TMEM117: variants seen among roughly 807,000 people sequenced by gnomAD.
TMEM117 encodes the protein transmembrane protein 117.
A neutral mutation model predicts 52.4 loss-of-function variants in TMEM117; 27 were observed. That is an observed-to-expected ratio of 0.51 (90% confidence interval 0.38 to 0.71). The LOEUF (loss-of-function observed/expected upper bound fraction) is 0.71, where lower values mean the gene tolerates loss of function less well. Ranked by LOEUF, TMEM117 falls within the 30% of genes least tolerant of loss-of-function variation. TMEM117 has a pLI of 0.00. For synonymous variants in TMEM117, 215 were observed against 206.3 expected, an observed-to-expected ratio of 1.04 and a Z score of -0.36; for missense variants, 556 against 630.5, an observed-to-expected ratio of 0.88 and a Z score of 1.26.
the TMEM117 span, chr12:43,805,854 G>A: frequency 7.1e-7 from 1 of 1,414,220 alleles, no homozygotes; most frequent in Non-Finnish European, 9.4e-7. Context: ...GCGTACTGAA[G>A]CCCCAGTCGC....
At chr12:43,797,083 T>G in the TMEM117 span, 1 of 1,594,936 alleles carries the variant, frequency 6.3e-7, no homozygotes, top group Non-Finnish European at 8.5e-7. Flanking sequence ...TATCCAGGCA[T>G]TGAATAAATA....
At chr12:44,134,681 A>C in intron 3 of TMEM117, among the ~76,000 whole-genome samples, 1 of 152,202 alleles carries the variant, frequency 6.6e-6, no homozygotes, top group East Asian at 1.9e-4. Flanking sequence ...TTTTTTGTAT[A>C]GCCAATTTAG....
chr12:43,951,530 C>T (rs1945221856), intron 3 of TMEM117, among the ~76,000 whole-genome samples: 1 of 152,188 alleles, frequency 6.6e-6, no homozygotes. Flanking sequence ...CCCCGCAGTG[C>T]AGCAAAACAG....
intron 6 of TMEM117, among the ~76,000 whole-genome samples, chr12:44,372,896 G>T (rs918858144): frequency 1.3e-5 from 2 of 152,178 alleles, no homozygotes; most frequent in African/African-American, 4.8e-5. Flanking sequence ...GCAGGTGGAC[G>T]TGTTAATTAG....
chr12:44,000,069 AAC>A (rs1946092231), intron 3 of TMEM117, among the ~76,000 whole-genome samples: 1 of 152,198 alleles, frequency 6.6e-6, no homozygotes, highest in South Asian at 2.1e-4. Context: ...TTGAAAGGAA[AAC>A]ACAGGAAATC....
At chr12:44,386,493 G>C (rs183387978) in intron 7 of TMEM117, among the ~76,000 whole-genome samples, 5 of 152,246 alleles carry the variant, frequency 3.3e-5, no homozygotes, top group Admixed American at 6.5e-5. Context: ...AGGACAAGCA[G>C]TTACTATTCC....
intron 3 of TMEM117, among the ~76,000 whole-genome samples, chr12:43,965,861 G>C (rs565174745): frequency 6.6e-6 from 1 of 152,250 alleles, no homozygotes; most frequent in South Asian, 2.1e-4. Context: ...GGTAGTGAGC[G>C]TAGTAACCAA....
At chr12:44,164,450 CAT>C (rs892042315) in intron 4 of TMEM117, among the ~76,000 whole-genome samples, 2 of 152,096 alleles carry the variant, frequency 1.3e-5, no homozygotes, top group Admixed American at 1.3e-4. Context: ...TAAGTGGTAA[CAT>C]ATGATATTTG....
the TMEM117 span, chr12:43,802,500 GT>G: frequency 2.0e-6 from 3 of 1,478,816 alleles, no homozygotes; most frequent in Non-Finnish European, 2.8e-6. Flanking sequence ...TAGGTAAATG[GT>G]TTGAGATATC....
intron 6 of TMEM117, among the ~76,000 whole-genome samples, chr12:44,313,915 G>A (rs1045603015): frequency 1.3e-5 from 2 of 151,956 alleles, no homozygotes; most frequent in Admixed American, 6.6e-5. Context: ...GAACCTCTTT[G>A]GTGTATAGAA....
chr12:44,085,270 A>G (rs1947547949), intron 3 of TMEM117, among the ~76,000 whole-genome samples: 1 of 151,912 alleles, frequency 6.6e-6, no homozygotes, highest in African/African-American at 2.4e-5. Flanking sequence ...TTTTTCTACT[A>G]CAGTGTCTAG....
At chr12:43,938,202 C>T (rs956290359) in intron 2 of TMEM117, among the ~76,000 whole-genome samples, 24 of 149,692 alleles carry the variant, frequency 1.6e-4, no homozygotes, top group African/African-American at 4.9e-4. Flanking sequence ...AATGGGCCAC[C>T]TAGTGGTCTG....
the TMEM117 span, chr12:43,798,509 A>G: frequency 6.9e-7 from 1 of 1,447,592 alleles, no homozygotes; most frequent in Non-Finnish European, 9.1e-7. Context: ...TGGAGATTCT[A>G]CAGCATAAAT....
At chr12:43,922,804 T>G (rs1455459922) in intron 2 of TMEM117, among the ~76,000 whole-genome samples, 1 of 152,188 alleles carries the variant, frequency 6.6e-6, no homozygotes, top group Non-Finnish European at 1.5e-5. Context: ...CTGATGTTTT[T>G]AAGTCCCTTA....
At chr12:44,394,707 T>G (rs562123599), downstream of TMEM117, among the ~76,000 whole-genome samples, 7 of 152,314 alleles carry the variant, frequency 4.6e-5, no homozygotes, top group Non-Finnish European at 7.3e-5. Context: ...ATCCACCACC[T>G]TTCATAAATC....
At chr12:43,940,135 T>C (rs1001016759) in intron 2 of TMEM117, among the ~76,000 whole-genome samples, 1 of 152,196 alleles carries the variant, frequency 6.6e-6, no homozygotes, top group Non-Finnish European at 1.5e-5. Context: ...CCAACATTCA[T>C]GTAGTCATCC....
intron 3 of TMEM117, among the ~76,000 whole-genome samples, chr12:44,125,098 C>A (rs528881908): frequency 1.3e-5 from 2 of 151,910 alleles, no homozygotes; most frequent in Non-Finnish European, 2.9e-5. Context: ...CATTATTGGT[C>A]TATTATGGGA....
intron 2 of TMEM117, among the ~76,000 whole-genome samples, chr12:43,857,423 C>T (rs1262786716): frequency 6.6e-6 from 1 of 151,762 alleles, no homozygotes; most frequent in East Asian, 1.9e-4. Flanking sequence ...ATTTCCTACC[C>T]ATGGGAGGTA....
the TMEM117 span, chr12:43,806,068 G>A: frequency 2.5e-5 from 38 of 1,517,940 alleles, no homozygotes; most frequent in South Asian, 4.8e-5. Context: ...CCGGGAAGCA[G>A]GAGCGCGGAG....
Sources: allele counts gnomAD v4.1 joint callset (sites outside exome capture counted in the v4.1 genomes callset), GRCh38; gene constraint gnomAD v4.1.1; transcripts MANE v1.5; gene names NCBI Gene and HGNC (gene_info 2026-07-23, HGNC 2026-07-21).